PLPPR1: variants seen among roughly 807,000 people sequenced by gnomAD.
PLPPR1 encodes phospholipid phosphatase related 1, also known as phospholipid phosphatase-related protein type 1.
In PLPPR1, 10 loss-of-function variants were observed where a neutral mutation model predicts 33.1. The ratio of observed to expected loss-of-function variants is 0.30; its 90% CI spans 0.19 to 0.51. The LOEUF (loss-of-function observed/expected upper bound fraction) is 0.51, where lower values mean the gene tolerates loss of function less well. Among genes scored for constraint, PLPPR1 ranks in the 20% least tolerant of loss-of-function variants. The pLI is 0.97. For missense variants in PLPPR1, 304 were observed against 408.1 expected, an observed-to-expected ratio of 0.74 and a Z score of 2.20; for synonymous variants, 151 against 151.0, an observed-to-expected ratio of 1.00 and a Z score of 0.00.
intron 2 of PLPPR1, among the ~76,000 whole-genome samples, chr9:101,194,336 A>G (rs1195720043): frequency 6.6e-6 from 1 of 152,232 alleles, no homozygotes; most frequent in African/African-American, 2.4e-5. Context: ...GAACCCTTCC[A>G]TACAGGGTCT....
chr9:101,228,235 C>A (rs188877994), intron 2 of PLPPR1, among the ~76,000 whole-genome samples: 1 of 152,228 alleles, frequency 6.6e-6, no homozygotes, highest in African/African-American at 2.4e-5. Flanking sequence ...TGCAAACTCC[C>A]CTCACCCACA....
intron 1 of PLPPR1, among the ~76,000 whole-genome samples, chr9:101,081,863 G>A (rs1171024536): frequency 6.6e-6 from 1 of 152,208 alleles, no homozygotes; most frequent in Non-Finnish European, 1.5e-5. Context: ...ACAGAGCTAG[G>A]AGCATAAGCT....
intron 1 of PLPPR1, among the ~76,000 whole-genome samples, chr9:101,068,853 T>C (rs965689444): frequency 6.6e-6 from 1 of 152,112 alleles, no homozygotes; most frequent in African/African-American, 2.4e-5. Flanking sequence ...TATATCAACT[T>C]TGCTTATTAT....
Position 101,136,043 on chromosome 9 carries a change from G to C in PLPPR1, c.-45-49407G>C, listed in dbSNP as rs762934087. ...GGATTTAGGAAAGTTTCTCTGATACGTTTTTCCCCCTCATCAGCTTTAATC... is the reference window on the plus strand; with the variant it reads ...GGATTTAGGAAAGTTTCTCTGATACCTTTTTCCCCCTCATCAGCTTTAATC... On this transcript the variant is annotated intron_variant, in intron 1 of 7. Transcript: ENST00000374874. 2.0e-5 allele frequency among the ~76,000 whole-genome samples: 3 copies of C among 152,196 alleles called. No homozygotes were observed. The East Asian group carries it at 5.8e-4, about 29-fold the overall frequency.
At chr9:101,076,737 C>T (rs544015779) in intron 1 of PLPPR1, among the ~76,000 whole-genome samples, 60 of 152,278 alleles carry the variant, frequency 3.9e-4, no homozygotes, top group African/African-American at 1.3e-3. Flanking sequence ...CTATTTTACT[C>T]TGGATATCAG....
At chr9:101,307,833 G>T (rs1828882214) in intron 4 of PLPPR1, among the ~76,000 whole-genome samples, 1 of 152,180 alleles carries the variant, frequency 6.6e-6, no homozygotes, top group Non-Finnish European at 1.5e-5. Context: ...GGTTAATGCT[G>T]CCTCTCGCAC....
At chr9:101,279,854 A>G (rs1409209359) in intron 3 of PLPPR1, among the ~76,000 whole-genome samples, 1 of 152,184 alleles carries the variant, frequency 6.6e-6, no homozygotes, top group African/African-American at 2.4e-5. Context: ...CCTACAGCAA[A>G]AAGGTAGAAA....
At chr9:101,130,400 T>C (rs1351576196) in intron 1 of PLPPR1, among the ~76,000 whole-genome samples, 1 of 152,166 alleles carries the variant, frequency 6.6e-6, no homozygotes, top group African/African-American at 2.4e-5. Context: ...TTACTCAGCA[T>C]CCCTACACCT....
At chr9:101,297,782 A>C (rs1045268855) in intron 4 of PLPPR1, among the ~76,000 whole-genome samples, 1 of 152,078 alleles carries the variant, frequency 6.6e-6, no homozygotes, top group Non-Finnish European at 1.5e-5. Context: ...CCTCTCTCTC[A>C]TTTTTTCCCT....
chr9:101,296,439 C>T (rs1039924829), intron 4 of PLPPR1, among the ~76,000 whole-genome samples: 3 of 151,512 alleles, frequency 2.0e-5, no homozygotes, highest in Non-Finnish European at 1.5e-5. Context: ...TCCAGCCATC[C>T]CATTACTGGG....
chr9:101,048,018 C>T (rs1411475612), intron 1 of PLPPR1, among the ~76,000 whole-genome samples: 1 of 152,140 alleles, frequency 6.6e-6, no homozygotes, highest in African/African-American at 2.4e-5. Flanking sequence ...TAGGTGGACC[C>T]CAGCCTAGTA....
intron 2 of PLPPR1, among the ~76,000 whole-genome samples, chr9:101,254,449 T>C (rs1038234636): frequency 1.8e-4 from 28 of 152,130 alleles, no homozygotes; most frequent in Non-Finnish European, 2.9e-5. Context: ...GGGGAGCAGC[T>C]GTAAATACAG....
At chr9:101,217,349 A>G (rs1826820435) in intron 2 of PLPPR1, among the ~76,000 whole-genome samples, 1 of 152,242 alleles carries the variant, frequency 6.6e-6, no homozygotes, top group Non-Finnish European at 1.5e-5. Flanking sequence ...GATTAAACAT[A>G]TATACCAAGG....
chr9:101,252,857 T>G (rs1053605713), intron 2 of PLPPR1, among the ~76,000 whole-genome samples: 3 of 152,006 alleles, frequency 2.0e-5, no homozygotes, highest in African/African-American at 7.2e-5. Context: ...TGATGAAAAC[T>G]CGATGTTCGT....
intron 7 of PLPPR1, among the ~76,000 whole-genome samples, chr9:101,321,344 AACATTACCT>A (rs1441060947): frequency 1.6e-4 from 25 of 152,262 alleles, no homozygotes; most frequent in African/African-American, 5.8e-4. Flanking sequence ...GCCTCTCTAA[AACATTACCT>A]CAAATTTGAA....
At chr9:101,067,139 G>A (rs7039095) in intron 1 of PLPPR1, among the ~76,000 whole-genome samples, 2,297 of 151,914 alleles carry the variant, frequency 0.015, 38 homozygotes, top group African/African-American at 0.035. Flanking sequence ...ACTCTGTTGC[G>A]AGGTCATAAA....
At chr9:101,047,238 G>C (rs1366363113) in intron 1 of PLPPR1, among the ~76,000 whole-genome samples, 1 of 152,114 alleles carries the variant, frequency 6.6e-6, no homozygotes, top group Non-Finnish European at 1.5e-5. Flanking sequence ...ACCATTTCTA[G>C]ATTAAGGGAT....
At chr9:101,037,352 C>G (rs552990779) in intron 1 of PLPPR1, among the ~76,000 whole-genome samples, 99 of 152,010 alleles carry the variant, frequency 6.5e-4, no homozygotes, top group Non-Finnish European at 1.1e-3. Flanking sequence ...GAAATGCTTA[C>G]AGACACAGGG....
intron 1 of PLPPR1, among the ~76,000 whole-genome samples, chr9:101,132,592 A>G (rs1831325853): frequency 6.6e-6 from 1 of 152,184 alleles, no homozygotes; most frequent in South Asian, 2.1e-4. Context: ...GATACATGTT[A>G]TTACCCACAT....
Sources: gnomAD v4.1 joint callset for allele counts (sites outside exome capture counted in the v4.1 genomes callset) on GRCh38, gnomAD v4.1.1 for gene constraint, MANE v1.5 for transcripts, NCBI Gene and HGNC (gene_info 2026-07-23, HGNC 2026-07-21) for gene names.